The following SBF2 variants were observed in gnomAD, a reference collection of about 807,000 sequenced individuals.
The protein encoded by SBF2 is myotubularin-related protein 13.
A neutral mutation model predicts 225.2 loss-of-function variants in SBF2; 112 were observed. That is an observed-to-expected ratio of 0.50 (90% CI 0.43 to 0.58). The LOEUF (loss-of-function observed/expected upper bound fraction) is 0.58. Ranked by LOEUF, SBF2 falls within the 20% of genes least tolerant of loss-of-function variation. SBF2 has a pLI of 0.00. For missense variants in SBF2, 1,996 were observed against 2,206.2 expected (o/e 0.90, Z 1.91); for synonymous variants, 763 against 773.3 (o/e 0.99, Z 0.22).
At chr11:10,219,332 A>G (rs1232630707) in intron 1 of SBF2, among the ~76,000 whole-genome samples, 1 of 152,130 alleles carries the variant, frequency 6.6e-6, no homozygotes, top group Non-Finnish European at 1.5e-5. Context: ...GGCCCCTTTT[A>G]GCCATGGCTG....
intron 2 of SBF2, among the ~76,000 whole-genome samples, chr11:10,072,056 T>C (rs1175211820): frequency 6.6e-6 from 1 of 152,214 alleles, no homozygotes; most frequent in Non-Finnish European, 1.5e-5. Context: ...AAATATTTTT[T>C]GTATGCATTT....
intron 36 of SBF2, 127 bp from the exon 37 acceptor site, chr11:9,785,445 G>T: frequency 1.3e-6 from 1 of 776,900 alleles, no homozygotes; most frequent in East Asian, 2.6e-5. Context: ...ATGTACAAAG[G>T]TATCAATCTC....
chr11:10,196,866 A>T (rs12291548), intron 1 of SBF2, among the ~76,000 whole-genome samples: 66,205 of 99,698 alleles, frequency 0.66, 22,380 homozygotes, highest in Admixed American at 0.73. Context: ...ATATATATAT[A>T]TTTTTTTTTT....
At chr11:9,979,414 G>T (rs914098485) in intron 13 of SBF2, among the ~76,000 whole-genome samples, 8 of 152,138 alleles carry the variant, frequency 5.3e-5, no homozygotes, top group African/African-American at 1.2e-4. Context: ...TAGGTCAAAA[G>T]AAATTTCTCA....
chr11:10,127,640 T>C (rs1429901664), intron 2 of SBF2, among the ~76,000 whole-genome samples: 2 of 152,190 alleles, frequency 1.3e-5, no homozygotes, highest in East Asian at 3.8e-4. Flanking sequence ...GACTACACTT[T>C]TTAGAATTTT....
At position 10,031,078 on chromosome 11, in the gene SBF2, T is replaced by C. The variant is rs762732087; in HGVS notation, c.372A>G (p.Val124=). 6.8e-6 allele frequency: 11 copies of C among 1,613,222 alleles called. No individual in the cohort carries two copies. In the South Asian group the frequency reaches 1.1e-4, roughly 16 times the overall value. The stretch of plus-strand genomic sequence containing the variant: ...AAATTTCTGGATAATATAATCTGGA[T>C]ACCAACACCAGGCTTTTGGGAGCAA... ...EVFAPKSLVL[V]SRLYYPEIFR... Residue 124 remains valine (V), a synonymous_variant, in exon 4 of 40, where the codon GTA becomes GTG. Transcript: ENST00000256190.
intron 2 of SBF2, among the ~76,000 whole-genome samples, chr11:10,154,271 T>C (rs1955361350): frequency 1.3e-5 from 2 of 152,156 alleles, no homozygotes; most frequent in Admixed American, 1.3e-4. Flanking sequence ...TAATTAGTTT[T>C]AGTAGTGTTT....
intron 4 of SBF2, 87 bp downstream of exon 4, chr11:10,030,961 T>C: frequency 8.6e-7 from 1 of 1,156,928 alleles, no homozygotes; most frequent in South Asian, 1.4e-5. Flanking sequence ...TCTAACAATA[T>C]TTTCAATCCA....
chr11:9,856,785 ATT>A (rs11322743), intron 18 of SBF2, 65 bp from the exon 19 acceptor site: 161,938 of 1,008,288 alleles, frequency 0.16, 14 homozygotes, highest in Middle Eastern at 0.18. Flanking sequence ...AAAAACATAG[ATT>A]TTTTTTTTTT....
chr11:9,998,473 T>C lies in SBF2; in HGVS notation c.862-94A>G. 6 of 724,288 alleles carry C rather than the reference T, an allele frequency of 8.3e-6. No homozygotes were observed. The South Asian group carries it at 9.9e-5, about 12-fold the overall frequency. The allele number at this position is 724,288 out of a possible 1,614,324, so 44.9% of individuals were successfully genotyped here. ...CTTGACTAATTCAAAACGAGAAGAA[T>C]CAGATGTGGAAGAGACTCTTGTTTG... On this transcript the variant is annotated intron_variant, in intron 8 of 39. Coordinates refer to ENST00000256190, the MANE Select transcript of SBF2 (RefSeq NM_030962.4).
At chr11:10,214,999 G>T (rs904855923) in intron 1 of SBF2, among the ~76,000 whole-genome samples, 1 of 152,162 alleles carries the variant, frequency 6.6e-6, no homozygotes, top group Non-Finnish European at 1.5e-5. Flanking sequence ...CTCTGCCTCA[G>T]CCACAATCAC....
chr11:10,240,410 C>A (rs904372060), intron 1 of SBF2, among the ~76,000 whole-genome samples: 8 of 152,060 alleles, frequency 5.3e-5, no homozygotes, highest in Non-Finnish European at 1.2e-4. Context: ...ACACATAAAA[C>A]TCAGATTAAA....
intron 16 of SBF2, among the ~76,000 whole-genome samples, chr11:9,919,562 G>A (rs1032242346): frequency 1.3e-5 from 2 of 152,004 alleles, no homozygotes; most frequent in African/African-American, 2.4e-5. Context: ...TGCATGCACC[G>A]GTAATTAGGT....
chr11:9,896,508 C>T (rs1861268161), intron 16 of SBF2, among the ~76,000 whole-genome samples: 1 of 152,012 alleles, frequency 6.6e-6, no homozygotes, highest in Non-Finnish European at 1.5e-5. Flanking sequence ...GGTTATCTTT[C>T]AGGCTGGGCG....
intron 22 of SBF2, among the ~76,000 whole-genome samples, chr11:9,849,121 C>T (rs903156963): frequency 9.9e-5 from 15 of 152,164 alleles, no homozygotes; most frequent in Non-Finnish European, 1.9e-4. Context: ...CCTGGGTCTC[C>T]CTATTTCTAC....
At chr11:10,026,690 G>A (rs1949069185) in intron 6 of SBF2, among the ~76,000 whole-genome samples, 2 of 152,254 alleles carry the variant, frequency 1.3e-5, no homozygotes, top group East Asian at 1.9e-4. Context: ...AGTAAGCTGT[G>A]TTCATGCCAC....
intron 1 of SBF2, among the ~76,000 whole-genome samples, chr11:10,230,253 A>G (rs4550215): frequency 6.6e-6 from 1 of 151,752 alleles, no homozygotes; most frequent in Non-Finnish European, 1.5e-5. Context: ...ATGGGTCTTG[A>G]CTCTTTATCC....
chr11:9,896,139 C>T, intron 16 of SBF2, 128 bp from the exon 17 acceptor site: 1 of 766,040 alleles, frequency 1.3e-6, no homozygotes, highest in East Asian at 2.7e-5. Context: ...TTGCAGAGGA[C>T]CTGACGGAGG....
chr11:9,808,212 A>G (rs1378314777), intron 31 of SBF2, 27 bp from the exon 32 acceptor site: 1 of 1,604,094 alleles, frequency 6.2e-7, no homozygotes, highest in Non-Finnish European at 8.5e-7. Flanking sequence ...ATGGATTGTC[A>G]TTAATTTTAG....
Sources: gnomAD v4.1 joint callset for allele counts (sites outside exome capture counted in the v4.1 genomes callset) on GRCh38, gnomAD v4.1.1 for gene constraint, MANE v1.5 for transcripts, NCBI Gene and HGNC (gene_info 2026-07-23, HGNC 2026-07-21) for gene names.